The following ADSL variants were observed in gnomAD, a reference collection of about 807,000 sequenced individuals.
ADSL encodes the protein adenylosuccinase.
Under a neutral mutation model 62.1 loss-of-function variants are expected in ADSL, and 44 were observed. That is an observed-to-expected ratio of 0.71 (90% CI 0.56 to 0.91). The LOEUF is 0.91. Ranked by LOEUF, ADSL falls within the 40% of genes least tolerant of loss-of-function variation. ADSL has a pLI of 0.00. For missense variants in ADSL, 531 were observed against 627.4 expected, an observed-to-expected ratio of 0.85 and a Z score of 1.64; for synonymous variants, 198 against 220.5, an observed-to-expected ratio of 0.90 and a Z score of 0.90.
At chr22:40,357,030 G>C (rs1251368400) in intron 4 of ADSL, among the ~76,000 whole-genome samples, 1 of 151,974 alleles carries the variant, frequency 6.6e-6, no homozygotes, top group Non-Finnish European at 1.5e-5. Context: ...CAAGTACCTG[G>C]GATTACAGGT....
chr22:40,372,220 G>A (rs1434295685), downstream of ADSL, among the ~76,000 whole-genome samples: 1 of 143,566 alleles, frequency 7.0e-6, no homozygotes, highest in East Asian at 2.2e-4. Context: ...TCTGCCTCCC[G>A]GGTTCACGCC....
At position 40,360,451 on chromosome 22, in the gene ADSL, G is replaced by A. The variant is rs1222132067; in HGVS notation, c.751G>A (p.Val251Ile). Residue 251 changes from valine (V) to isoleucine (I), a missense_variant, in exon 7 of 13, where the codon GTA becomes ATA. Transcript: ENST00000623063. The part of the protein sequence containing the change: ...QTYTRKVDIE[V>I]LSVLASLGAS... ...ATATACACGAAAAGTGGATATTGAA[G>A]TACTGTCTGTGCTGGCTAGCTTGGG... 6.2e-7 allele frequency: 1 copy of A among 1,614,002 alleles called. No individual in the cohort carries two copies. The highest frequency in any genetic ancestry group is 2.2e-5 in the East Asian group (1 of 44,898).
chr22:40,371,891 T>G (rs1428613983), downstream of ADSL, among the ~76,000 whole-genome samples: 1 of 151,288 alleles, frequency 6.6e-6, no homozygotes, highest in Non-Finnish European at 1.5e-5. Flanking sequence ...GAGACGGGGT[T>G]TTTCGCCATG....
At chr22:40,362,077 T>C (rs141174256) in intron 9 of ADSL, among the ~76,000 whole-genome samples, 1 of 152,280 alleles carries the variant, frequency 6.6e-6, no homozygotes, top group Admixed American at 6.5e-5. Context: ...GTCTTCTGGG[T>C]CTTTTCTGAA....
chr22:40,374,850 A>T (rs149605477), intron 2 of ADSL, among the ~76,000 whole-genome samples: 41 of 152,278 alleles, frequency 2.7e-4, no homozygotes, highest in Non-Finnish European at 4.9e-4. Flanking sequence ...GTACCACTGC[A>T]CTCCAGCCTG....
chr22:40,355,885 T>TCTA (rs2146643559), intron 4 of ADSL, among the ~76,000 whole-genome samples: 1 of 152,200 alleles, frequency 6.6e-6, no homozygotes, highest in East Asian at 1.9e-4. Flanking sequence ...GGTTAGGTTA[T>TCTA]CTATTAGAAA....
At chr22:40,370,739 C>T (rs2045240569), downstream of ADSL, 1 of 152,624 alleles carries the variant, frequency 6.6e-6, no homozygotes, top group African/African-American at 2.4e-5. Context: ...TACAAGTTCC[C>T]CTCAGGCGGG....
At chr22:40,364,548 T>C (rs2044926140) in intron 11 of ADSL, 183 bp downstream of exon 11, 8 of 697,258 alleles carry the variant, frequency 1.1e-5, no homozygotes, top group Middle Eastern at 3.6e-4. Flanking sequence ...TTTGTTAAAG[T>C]GAATTACTTA....
intron 2 of ADSL, among the ~76,000 whole-genome samples, chr22:40,376,699 T>C (rs1281515220): frequency 6.9e-6 from 1 of 145,906 alleles, no homozygotes; most frequent in African/African-American, 2.6e-5. Flanking sequence ...GAAACAGTAA[T>C]TTGCTAAAGA....
At chr22:40,379,779 A>T (rs1569141478) in intron 2 of ADSL, among the ~76,000 whole-genome samples, 1 of 151,578 alleles carries the variant, frequency 6.6e-6, no homozygotes, top group African/African-American at 2.4e-5. Flanking sequence ...CACAATCTCC[A>T]CTCACTGCAA....
chr22:40,380,006 C>G (rs968920460), intron 2 of ADSL, among the ~76,000 whole-genome samples: 1 of 152,110 alleles, frequency 6.6e-6, no homozygotes, highest in Admixed American at 6.5e-5. Flanking sequence ...CCATCGTGCT[C>G]GGCCTGGTTT....
intron 4 of ADSL, 43 bp downstream of exon 4, chr22:40,354,370 C>A: frequency 6.8e-7 from 1 of 1,468,770 alleles, no homozygotes; most frequent in Non-Finnish European, 9.5e-7. Context: ...ATATGGCTTT[C>A]AGCTGCTTCT....
At chr22:40,374,730 A>G (rs2046265030) in intron 2 of ADSL, among the ~76,000 whole-genome samples, 1 of 152,182 alleles carries the variant, frequency 6.6e-6, no homozygotes, top group African/African-American at 2.4e-5. Flanking sequence ...AAAAACATAA[A>G]ATTGCCAGTC....
chr22:40,349,196 G>A (rs565623728), intron 1 of ADSL, among the ~76,000 whole-genome samples: 14 of 152,190 alleles, frequency 9.2e-5, no homozygotes, highest in Non-Finnish European at 1.6e-4. Context: ...GATAAGTGCT[G>A]TAAATAAAAC....
rs1601565442 is a variant in ADSL at position 40,354,162 on chromosome 22, C to T, written c.403-86C>T. 14 of 1,187,020 alleles carry T rather than the reference C, an allele frequency of 1.2e-5. No homozygotes were observed. In the East Asian group the frequency reaches 3.3e-4, roughly 28 times the overall value. The allele number at this position is 1,187,020 out of a possible 1,614,324, so 73.5% of individuals were successfully genotyped here. ...CATGAGTTAGCGGTCTAATTTTATA[C>T]AAAATTATCTGAAAGTTTTGTTCCT... On this transcript the variant is annotated intron_variant, in intron 3 of 12. Transcript: ENST00000623063.
intron 9 of ADSL, 111 bp downstream of exon 9, chr22:40,361,746 A>T (rs566245410): frequency 7.0e-7 from 1 of 1,438,144 alleles, no homozygotes. Flanking sequence ...ATCCCCAAGG[A>T]TCCCAGAGTC....
chr22:40,373,850 G>C (rs769757903), downstream of ADSL, among the ~76,000 whole-genome samples: 1 of 152,172 alleles, frequency 6.6e-6, no homozygotes, highest in African/African-American at 2.4e-5. Context: ...TCTTGACCTC[G>C]TGATCCGCCC....
chr22:40,377,357 CTG>C (rs1275861345), intron 2 of ADSL, among the ~76,000 whole-genome samples: 1 of 152,232 alleles, frequency 6.6e-6, no homozygotes, highest in Non-Finnish European at 1.5e-5. Context: ...TTCCTAATAT[CTG>C]GGCACTAGAG....
At chr22:40,380,392 G>T (rs1391047098) in intron 2 of ADSL, among the ~76,000 whole-genome samples, 1 of 146,878 alleles carries the variant, frequency 6.8e-6, no homozygotes, top group Admixed American at 6.8e-5. Context: ...CCTGAGACAG[G>T]GTCTCACTCT....
Sources: allele counts gnomAD v4.1 joint callset (sites outside exome capture counted in the v4.1 genomes callset), GRCh38; gene constraint gnomAD v4.1.1; transcripts MANE v1.5; gene names NCBI Gene and HGNC (gene_info 2026-07-23, HGNC 2026-07-21).